The following CDK14 variants were observed in gnomAD, a reference collection of about 807,000 sequenced individuals.
CDK14 encodes cyclin dependent kinase 14.
In CDK14, 34 loss-of-function variants were observed where a neutral mutation model predicts 60.7. That is an observed-to-expected ratio of 0.56 (90% CI 0.43 to 0.75). The LOEUF is 0.75. CDK14 is among the 30% of genes least tolerant of loss of function. The probability of loss-of-function intolerance (pLI) is 0.00; values close to 1 mark genes in which losing one functional copy is unlikely to be tolerated. For missense variants in CDK14, 482 were observed against 564.1 expected, an observed-to-expected ratio of 0.85 and a Z score of 1.47; for synonymous variants, 197 against 203.7, an observed-to-expected ratio of 0.97 and a Z score of 0.28.
intron 11 of CDK14, among the ~76,000 whole-genome samples, chr7:91,052,471 T>G (rs1009429640): frequency 6.6e-6 from 1 of 152,142 alleles, no homozygotes; most frequent in African/African-American, 2.4e-5. Context: ...TCTCTGTATT[T>G]GGTAAAATAT....
At chr7:90,971,154 T>C (rs397889474) in intron 9 of CDK14, among the ~76,000 whole-genome samples, 1 of 146,824 alleles carries the variant, frequency 6.8e-6, no homozygotes, top group Non-Finnish European at 1.5e-5. Context: ...GAACATGTGG[T>C]TTTTTTTTTT....
At chr7:90,884,282 T>C (rs1236682943) in intron 6 of CDK14, among the ~76,000 whole-genome samples, 2 of 151,946 alleles carry the variant, frequency 1.3e-5, no homozygotes, top group Non-Finnish European at 2.9e-5. Flanking sequence ...CACTCCTTTA[T>C]GGTAACAGTA....
chr7:90,991,214 C>T lies in CDK14; in HGVS notation c.1041+6973C>T, dbSNP rs1468488658. Among the ~76,000 whole-genome samples the T allele has an allele frequency of 2.6e-5, 4 of 152,060 alleles. No homozygotes were observed. In the East Asian group the frequency reaches 7.7e-4, roughly 29 times the overall value. ...CAAGGTACTGGACTTTATGTGATAG[C>T]GGCGGTGACCTCAGATGGACATGTC... On this transcript the variant is annotated intron_variant, in intron 10 of 14. Transcript: ENST00000380050.
chr7:90,799,855 C>CA lies in CDK14; in HGVS notation c.544+9209dup, dbSNP rs1459657294. Among the ~76,000 whole-genome samples, 5 of 151,740 alleles carry CA rather than the reference C, an allele frequency of 3.3e-5. No individual in the cohort carries two copies. In the East Asian group the frequency reaches 9.7e-4, roughly 29 times the overall value. ...GTTATTGCCATTAAGTCAAGGTTAG[C>CA]AAAAAAGATAGGGATTTTGAGGGGG... is the stretch of plus-strand genomic sequence containing the variant. On this transcript the variant is annotated intron_variant, in intron 5 of 14. Transcript: ENST00000380050.
intron 2 of CDK14, among the ~76,000 whole-genome samples, chr7:90,622,052 A>G (rs1292479798): frequency 6.6e-6 from 1 of 152,218 alleles, no homozygotes; most frequent in Non-Finnish European, 1.5e-5. Context: ...TAAGTTGCAA[A>G]TTAATGCTAA....
Position 90,770,109 on chromosome 7 carries a change from G to A in CDK14, c.465-20464G>A, listed in dbSNP as rs764705019. On this transcript the variant is annotated intron_variant, in intron 4 of 14. Coordinates refer to ENST00000380050, the MANE Select transcript of CDK14 (RefSeq NM_001287135.2). ...TTGGCCTTACTTTGTAGCACTAAAC[G>A]CAGCAAAGCAGATTGCTCTATAGAA... Among the ~76,000 whole-genome samples the A allele has an allele frequency of 5.7e-4, 86 of 152,190 alleles. 1 individual carries two copies. Among genetic ancestry groups the A allele is most frequent in the Non-Finnish European group, 2.8e-4 (19 of 68,038 alleles).
intron 6 of CDK14, among the ~76,000 whole-genome samples, chr7:90,864,232 A>G (rs562567086): frequency 6.6e-6 from 1 of 152,180 alleles, no homozygotes; most frequent in South Asian, 2.1e-4. Context: ...TATCTTGTCT[A>G]TTTACATATA....
At chr7:90,635,154 A>G (rs1167153578) in intron 2 of CDK14, among the ~76,000 whole-genome samples, 1 of 151,962 alleles carries the variant, frequency 6.6e-6, no homozygotes, top group Non-Finnish European at 1.5e-5. Context: ...CCCATTTGTC[A>G]ATTTTGGCTT....
chr7:91,145,794 A>G (rs887481316), intron 14 of CDK14, among the ~76,000 whole-genome samples: 1 of 152,122 alleles, frequency 6.6e-6, no homozygotes, highest in African/African-American at 2.4e-5. Context: ...CAAACTCCTT[A>G]AGTCTATTTA....
chr7:90,695,882 G>T (rs1253073900), intron 2 of CDK14, among the ~76,000 whole-genome samples: 1 of 152,190 alleles, frequency 6.6e-6, no homozygotes, highest in Non-Finnish European at 1.5e-5. Context: ...GTCGTACCTT[G>T]CTGGTCCTGG....
intron 6 of CDK14, among the ~76,000 whole-genome samples, chr7:90,879,262 A>G (rs984232135): frequency 2.0e-5 from 3 of 152,228 alleles, no homozygotes; most frequent in Non-Finnish European, 1.5e-5. Flanking sequence ...TGTGTATACT[A>G]CACCATATAC....
chr7:90,675,122 G>C (rs1343415072), intron 2 of CDK14, among the ~76,000 whole-genome samples: 1 of 152,130 alleles, frequency 6.6e-6, no homozygotes, highest in East Asian at 1.9e-4. Context: ...GTTGGGAATG[G>C]TTTTGAGGAT....
intron 2 of CDK14, among the ~76,000 whole-genome samples, chr7:90,616,929 AT>A (rs112306151): frequency 4.7e-5 from 7 of 150,148 alleles, no homozygotes; most frequent in African/African-American, 4.9e-5. Context: ...CATTTTGATT[AT>A]TTTTTTTTCA....
rs1790808086 is a variant in CDK14 at position 90,856,049 on chromosome 7, ACT to A, written c.545-7123_545-7122del. ...TTTTTGCCCATCTCCAAACTGAAAA[ACT>A]CTTAAGAAGCAAGTGAAAACAGTAC... On this transcript the variant is annotated intron_variant, in intron 5 of 14. Transcript: ENST00000380050. 2.0e-5 allele frequency among the ~76,000 whole-genome samples: 3 copies of A among 152,026 alleles called. No homozygotes were observed. In the South Asian group the frequency reaches 6.2e-4, roughly 32 times the overall value.
chr7:91,113,139 G>A (rs894305167), intron 13 of CDK14, among the ~76,000 whole-genome samples: 3 of 152,178 alleles, frequency 2.0e-5, no homozygotes, highest in African/African-American at 7.2e-5. Flanking sequence ...CAGAGGAGCC[G>A]ATGATTCATT....
At position 90,602,932 on chromosome 7, in the gene CDK14, C is replaced by A. The variant is rs17866839; in HGVS notation, c.92-1286C>A. ...CAAATATATGAAACAGAGAAAATAACCTTTTCACGATTGTTAGAGTATGTA... is the reference window on the plus strand; with the variant it reads ...CAAATATATGAAACAGAGAAAATAAACTTTTCACGATTGTTAGAGTATGTA... On this transcript the variant is annotated intron_variant, in intron 1 of 14. Transcript: ENST00000380050. 6.1e-3 allele frequency among the ~76,000 whole-genome samples: 935 copies of A among 152,264 alleles called. 28 individuals carry two copies. Among genetic ancestry groups the A allele is most frequent in the Admixed American group, 0.046 (711 of 15,296 alleles).
At chr7:91,091,326 CATATGTGTATACAT>C in intron 12 of CDK14, among the ~76,000 whole-genome samples, 1 of 141,086 alleles carries the variant, frequency 7.1e-6, no homozygotes, top group East Asian at 2.0e-4. Flanking sequence ...TATGTATACA[CATATGTGTATACAT>C]ATATGTGTAT....
At chr7:91,137,127 G>A (rs1800304422) in intron 14 of CDK14, among the ~76,000 whole-genome samples, 1 of 152,164 alleles carries the variant, frequency 6.6e-6, no homozygotes, top group African/African-American at 2.4e-5. Context: ...ATAAAATTGT[G>A]CTTGCTGCTT....
intron 11 of CDK14, among the ~76,000 whole-genome samples, chr7:91,077,744 A>G (rs1363793490): frequency 1.9e-4 from 2 of 10,266 alleles, no homozygotes; most frequent in Admixed American, 1.4e-3. Flanking sequence ...TCACTTTTAT[A>G]CACACACACA....
Sources: allele counts gnomAD v4.1 joint callset (sites outside exome capture counted in the v4.1 genomes callset), GRCh38; gene constraint gnomAD v4.1.1; transcripts MANE v1.5; gene names NCBI Gene and HGNC (gene_info 2026-07-23, HGNC 2026-07-21).